The following KIF16B variants were observed in gnomAD, a reference collection of about 807,000 sequenced individuals.
KIF16B encodes the protein kinesin family member 16B.
A neutral mutation model predicts 156.3 loss-of-function variants in KIF16B; 98 were observed. That is an observed-to-expected ratio of 0.63 (90% CI 0.53 to 0.74). The LOEUF is 0.74. Among genes scored for constraint, KIF16B ranks in the 30% least tolerant of loss-of-function variants. The pLI is 0.00. For missense variants in KIF16B, 1,421 were observed against 1,606.5 expected (o/e 0.88, Z 1.97); for synonymous variants, 564 against 583.7 (o/e 0.97, Z 0.49).
Position 16,357,929 on chromosome 20 carries a change from C to T in KIF16B, c.3499-1477G>A, listed in dbSNP as rs535239562. ...AAGAGGCTGGGCACAGTGGCTCACA[C>T]CTGTAATCCCAGCACCCTGGGAGGC... On this transcript the variant is annotated intron_variant, in intron 22 of 25. Transcript: ENST00000354981. Among the ~76,000 whole-genome samples the T allele has an allele frequency of 1.4e-4, 22 of 152,318 alleles. No individual in the cohort carries two copies. The East Asian group carries it at 4.1e-3, about 28-fold the overall frequency.
intron 3 of KIF16B, among the ~76,000 whole-genome samples, chr20:16,524,538 G>A (rs1022342318): frequency 2.6e-5 from 4 of 152,208 alleles, no homozygotes; most frequent in Non-Finnish European, 4.4e-5. Flanking sequence ...AGATGATAGA[G>A]AGGATGTGGA....
At chr20:16,280,841 C>CGCGCGCGTGTGTGTGTGT (rs112026824) in intron 25 of KIF16B, among the ~76,000 whole-genome samples, 17 of 74,434 alleles carry the variant, frequency 2.3e-4, no homozygotes, top group African/African-American at 8.5e-4. Context: ...TGCGCGCGCA[C>CGCGCGCGTGTGTGTGTGT]GTGTGTGTGT....
intron 15 of KIF16B, among the ~76,000 whole-genome samples, chr20:16,418,379 C>T (rs1007212731): frequency 2.0e-5 from 3 of 152,094 alleles, no homozygotes; most frequent in Admixed American, 6.6e-5. Context: ...CCTTGGAAAT[C>T]GAGTTCCTGG....
At chr20:16,431,390 T>G (rs1053525243) in intron 12 of KIF16B, among the ~76,000 whole-genome samples, 1 of 152,164 alleles carries the variant, frequency 6.6e-6, no homozygotes. Flanking sequence ...CTCACTCTCA[T>G]CTTCTGCCGC....
intron 12 of KIF16B, among the ~76,000 whole-genome samples, chr20:16,452,238 T>C (rs1368384615): frequency 1.3e-5 from 2 of 151,788 alleles, no homozygotes; most frequent in African/African-American, 2.4e-5. Flanking sequence ...TCCAGAGAAA[T>C]TGCAAATTCA....
chr20:16,282,877 C>T (rs2063167643), intron 25 of KIF16B, among the ~76,000 whole-genome samples: 1 of 152,206 alleles, frequency 6.6e-6, no homozygotes, highest in African/African-American at 2.4e-5. Context: ...AGCTGCCATA[C>T]ACAATCGTTG....
At chr20:16,390,937 C>A (rs2065348506) in intron 17 of KIF16B, among the ~76,000 whole-genome samples, 1 of 152,126 alleles carries the variant, frequency 6.6e-6, no homozygotes, top group East Asian at 1.9e-4. Flanking sequence ...ATATATCGAT[C>A]ACACAGAATG....
chr20:16,405,192 G>T (rs1299395602), intron 16 of KIF16B, among the ~76,000 whole-genome samples: 1 of 152,162 alleles, frequency 6.6e-6, no homozygotes, highest in Non-Finnish European at 1.5e-5. Flanking sequence ...TAAAGTCAAG[G>T]AAAGGGGTCA....
intron 25 of KIF16B, among the ~76,000 whole-genome samples, chr20:16,287,470 A>T (rs2063240585): frequency 6.6e-6 from 1 of 152,220 alleles, no homozygotes; most frequent in Admixed American, 6.5e-5. Flanking sequence ...CAGAATCAGA[A>T]CTATTCATTA....
At chr20:16,321,437 G>A (rs898205825) in intron 24 of KIF16B, among the ~76,000 whole-genome samples, 1 of 152,056 alleles carries the variant, frequency 6.6e-6, no homozygotes, top group African/African-American at 2.4e-5. Flanking sequence ...ATAATCTGGA[G>A]CAATGTATAA....
intron 19 of KIF16B, 64 bp downstream of exon 19, chr20:16,378,738 TGAG>T: frequency 7.1e-7 from 1 of 1,417,960 alleles, no homozygotes; most frequent in South Asian, 1.4e-5. Flanking sequence ...AAACACAACA[TGAG>T]GAGTGAAAAA....
intron 22 of KIF16B, chr20:16,369,232 G>A (rs1005423183): frequency 3.7e-5 from 36 of 985,632 alleles, no homozygotes; most frequent in South Asian, 4.7e-5. Flanking sequence ...GGGCAGAAGC[G>A]GGTCAAGATA....
At chr20:16,567,527 C>T (rs1426023562) in intron 1 of KIF16B, among the ~76,000 whole-genome samples, 1 of 152,178 alleles carries the variant, frequency 6.6e-6, no homozygotes, top group African/African-American at 2.4e-5. Context: ...GAGGCAACGT[C>T]ACTACATAAA....
intron 4 of KIF16B, among the ~76,000 whole-genome samples, chr20:16,515,051 G>A (rs1568628924): frequency 6.6e-6 from 1 of 151,820 alleles, no homozygotes; most frequent in African/African-American, 2.4e-5. Flanking sequence ...TTATAAAACT[G>A]CATACGGTGT....
intron 1 of KIF16B, among the ~76,000 whole-genome samples, chr20:16,552,986 G>T (rs1167128584): frequency 6.6e-6 from 1 of 151,802 alleles, no homozygotes; most frequent in Non-Finnish European, 1.5e-5. Context: ...GGCTGGTCTC[G>T]AACTCCTGAC....
At chr20:16,457,082 T>C (rs1431915585) in intron 12 of KIF16B, among the ~76,000 whole-genome samples, 1 of 151,948 alleles carries the variant, frequency 6.6e-6, no homozygotes, top group Non-Finnish European at 1.5e-5. Flanking sequence ...GAGTTCTGGG[T>C]TAGAATCTCA....
rs145297208 is a variant in KIF16B at position 16,298,091 on chromosome 20, C to G, written c.3795+14244G>C. ...TTCCTTCCTTGTCTACCCTCAACCA[C>G]CAATCTCACCTTTCCACAGTAGATC... On this transcript the variant is annotated intron_variant, in intron 25 of 25. Coordinates refer to ENST00000354981, the MANE Select transcript of KIF16B (RefSeq NM_024704.5). Among the ~76,000 whole-genome samples, 69 of 152,340 alleles carry G rather than the reference C, an allele frequency of 4.5e-4. 1 individual carries two copies. Among genetic ancestry groups the G allele is most frequent in the Non-Finnish European group, 1.6e-4 (11 of 68,030 alleles).
At chr20:16,501,820 T>C (rs2068634400) in intron 10 of KIF16B, among the ~76,000 whole-genome samples, 1 of 152,060 alleles carries the variant, frequency 6.6e-6, no homozygotes, top group Non-Finnish European at 1.5e-5. Context: ...ACAAAGCCTG[T>C]AGAGGTCAGG....
chr20:16,357,640 G>C (rs1350626336), intron 22 of KIF16B, among the ~76,000 whole-genome samples: 6 of 152,176 alleles, frequency 3.9e-5, no homozygotes, highest in Admixed American at 1.3e-4. Flanking sequence ...AGACAGAAAG[G>C]GTTCTCAGCC....
Sources: gnomAD v4.1 joint callset for allele counts (sites outside exome capture counted in the v4.1 genomes callset) on GRCh38, gnomAD v4.1.1 for gene constraint, MANE v1.5 for transcripts, NCBI Gene and HGNC (gene_info 2026-07-23, HGNC 2026-07-21) for gene names.